Variants in STK39 observed in about 807,000 individuals in gnomAD.
STK39 encodes the protein STE20/SPS1-related proline-alanine-rich protein kinase.
STK39 carries 20 observed loss-of-function variants against 77.8 expected under a neutral mutation model. The observed-to-expected ratio is 0.26, with a 90% CI of 0.18 to 0.37. The LOEUF is 0.37. STK39 is among the 10% of genes least tolerant of loss of function. The pLI is 1.00. For synonymous variants in STK39, 246 were observed against 234.1 expected (o/e 1.05, Z -0.47); for missense variants, 479 against 656.5 (o/e 0.73, Z 2.95).
At chr2:168,217,732 A>G (rs1690061431) in intron 1 of STK39, among the ~76,000 whole-genome samples, 1 of 152,228 alleles carries the variant, frequency 6.6e-6, no homozygotes, top group African/African-American at 2.4e-5. Flanking sequence ...CATTTAGGAA[A>G]TAATGGCAAG....
At chr2:168,183,536 C>T (rs1438523144) in intron 1 of STK39, among the ~76,000 whole-genome samples, 3 of 152,210 alleles carry the variant, frequency 2.0e-5, no homozygotes, top group African/African-American at 4.8e-5. Flanking sequence ...CTACTTCCCA[C>T]AAGCCAGAGC....
chr2:168,068,695 T>C (rs776713882), intron 12 of STK39, among the ~76,000 whole-genome samples: 1 of 152,202 alleles, frequency 6.6e-6, no homozygotes, highest in African/African-American at 2.4e-5. Flanking sequence ...CTGAAAAACA[T>C]ACCTATCTTT....
chr2:168,055,505 C>A (rs758834134), intron 14 of STK39, among the ~76,000 whole-genome samples: 19 of 152,224 alleles, frequency 1.2e-4, no homozygotes, highest in Non-Finnish European at 2.8e-4. Context: ...CTCTGCTGAT[C>A]TGGGGTCTTC....
chr2:168,122,367 G>T (rs1292725259), intron 10 of STK39, among the ~76,000 whole-genome samples: 1 of 152,138 alleles, frequency 6.6e-6, no homozygotes, highest in Non-Finnish European at 1.5e-5. Flanking sequence ...ACATGATCTT[G>T]TTCTTTTTTA....
At position 167,955,269 on chromosome 2, in the gene STK39, C is replaced by A; in HGVS notation, c.*227G>T. ...CGTGCAGCTGTGGCATTTGCTTGTT[C>A]TTGTACTGTGGATTGCTAGAGAATA... is the stretch of plus-strand genomic sequence containing the variant. On this transcript the variant is annotated 3_prime_UTR_variant, in exon 18 of 18. Transcript: ENST00000355999. The A allele has an allele frequency of 2.3e-6, 1 of 435,472 alleles. No homozygotes were observed. The highest frequency in any genetic ancestry group is 4.2e-6 in the Non-Finnish European group (1 of 240,686). The allele number at this position is 435,472 out of a possible 1,614,324, so 27.0% of individuals were successfully genotyped here.
intron 14 of STK39, among the ~76,000 whole-genome samples, chr2:168,036,784 G>A (rs1005479446): frequency 2.6e-5 from 4 of 152,196 alleles, no homozygotes; most frequent in Non-Finnish European, 5.9e-5. Flanking sequence ...GTGAGGGTAG[G>A]CGCATGCTCC....
intron 1 of STK39, among the ~76,000 whole-genome samples, chr2:168,216,665 T>G (rs1035643655): frequency 1.3e-5 from 2 of 152,186 alleles, no homozygotes; most frequent in African/African-American, 4.8e-5. Flanking sequence ...ATACGAGTTT[T>G]TAGGCAAAGA....
chr2:168,181,543 G>T (rs1689083185), intron 2 of STK39, among the ~76,000 whole-genome samples: 2 of 152,120 alleles, frequency 1.3e-5, no homozygotes, highest in Non-Finnish European at 2.9e-5. Flanking sequence ...AAATTTGTGT[G>T]ATGCTATAAT....
At chr2:168,233,552 A>C (rs1184020614) in intron 1 of STK39, among the ~76,000 whole-genome samples, 1 of 152,184 alleles carries the variant, frequency 6.6e-6, no homozygotes, top group Non-Finnish European at 1.5e-5. Context: ...ATGATGTTTT[A>C]CTTGCTTTGT....
chr2:167,957,466 C>T (rs1691818816), intron 17 of STK39, among the ~76,000 whole-genome samples: 1 of 152,170 alleles, frequency 6.6e-6, no homozygotes, highest in South Asian at 2.1e-4. Context: ...TTCACCTTCC[C>T]TATCCATTTT....
intron 16 of STK39, among the ~76,000 whole-genome samples, chr2:167,992,425 C>G (rs1559047812): frequency 6.6e-6 from 1 of 152,088 alleles, no homozygotes. Context: ...AAGAAACTGT[C>G]TGGAACTGGG....
intron 1 of STK39, among the ~76,000 whole-genome samples, chr2:168,246,019 G>T (rs1440676248): frequency 2.0e-5 from 3 of 152,018 alleles, no homozygotes; most frequent in Non-Finnish European, 4.4e-5. Flanking sequence ...GGTGATAAAG[G>T]CTCATTTAAA....
At chr2:168,061,084 T>C (rs1168419798) in intron 14 of STK39, among the ~76,000 whole-genome samples, 4 of 152,176 alleles carry the variant, frequency 2.6e-5, no homozygotes, top group Non-Finnish European at 4.4e-5. Context: ...AAATTTTATC[T>C]AGAGTTGCAG....
intron 1 of STK39, among the ~76,000 whole-genome samples, chr2:168,228,495 G>A (rs1690364676): frequency 6.6e-6 from 1 of 152,046 alleles, no homozygotes. Context: ...TAATATTTGA[G>A]AAGTATAAAA....
At chr2:168,136,187 T>C (rs184200849) in intron 8 of STK39, among the ~76,000 whole-genome samples, 129 of 151,006 alleles carry the variant, frequency 8.5e-4, no homozygotes, top group African/African-American at 3.0e-3. Context: ...GCCAACAGAG[T>C]GAAACCCCGT....
intron 3 of STK39, among the ~76,000 whole-genome samples, chr2:168,164,679 C>T (rs1454775155): frequency 6.6e-6 from 1 of 152,082 alleles, no homozygotes; most frequent in Admixed American, 6.6e-5. Flanking sequence ...AAGTGCTGGG[C>T]TTATAGGCAT....
intron 1 of STK39, among the ~76,000 whole-genome samples, chr2:168,188,186 A>G (rs1233898697): frequency 2.0e-5 from 3 of 152,116 alleles, no homozygotes; most frequent in East Asian, 1.9e-4. Context: ...TTTGAGCTCT[A>G]TTTATATCAT....
intron 14 of STK39, among the ~76,000 whole-genome samples, chr2:168,018,542 G>GAAAGAAAAGAAAGAAAAGAAAGA: frequency 1.1e-5 from 1 of 95,162 alleles, no homozygotes; most frequent in Admixed American, 1.2e-4. Context: ...AGAAAGAAAA[G>GAAAGAAAAGAAAGAAAAGAAAGA]AAAGAAAGAA....
chr2:168,080,663 G>A (rs925598091), intron 10 of STK39, among the ~76,000 whole-genome samples: 1 of 152,138 alleles, frequency 6.6e-6, no homozygotes, highest in Non-Finnish European at 1.5e-5. Flanking sequence ...CCAAGACAAT[G>A]GGGAAAACAT....
Sources: gnomAD v4.1 joint callset for allele counts (sites outside exome capture counted in the v4.1 genomes callset) on GRCh38, gnomAD v4.1.1 for gene constraint, MANE v1.5 for transcripts, NCBI Gene and HGNC (gene_info 2026-07-23, HGNC 2026-07-21) for gene names.